The following GRIP1 variants were observed in gnomAD, a reference collection of about 807,000 sequenced individuals.
The protein encoded by GRIP1 is glutamate receptor-interacting protein 1.
GRIP1 carries 45 observed loss-of-function variants against 129.9 expected under a neutral mutation model. The ratio of observed to expected loss-of-function variants is 0.35; its 90% CI spans 0.27 to 0.44. The LOEUF is 0.44. Among genes scored for constraint, GRIP1 ranks in the 20% least tolerant of loss-of-function variants. The pLI is 1.00. For synonymous variants in GRIP1, 530 were observed against 520.8 expected (o/e 1.02, Z -0.24); for missense variants, 1,196 against 1,396.8 (o/e 0.86, Z 2.29).
chr12:66,518,065 C>T lies in GRIP1; in HGVS notation c.503-89G>A, dbSNP rs1041945845. 13 of 816,908 alleles carry T rather than the reference C, an allele frequency of 1.6e-5. No individual in the cohort carries two copies. In the South Asian group the frequency reaches 1.7e-4, roughly 11 times the overall value. 50.6% of individuals were successfully genotyped at this position (816,908 alleles called of 1,614,324 possible). On this transcript the variant is annotated intron_variant, in intron 5 of 24. Transcript: ENST00000359742. The stretch of plus-strand genomic sequence containing the variant: ...TACAAGATATCAGCTGAGAAATGTC[C>T]TACTTGATGTACGGAGGAAAATATG...
intron 1 of GRIP1, among the ~76,000 whole-genome samples, chr12:66,637,574 G>T (rs1565930572): frequency 2.0e-5 from 3 of 150,794 alleles, no homozygotes; most frequent in African/African-American, 7.3e-5. Flanking sequence ...ATTTTTGTAT[G>T]TTTTTTTTTA....
At chr12:66,691,583 C>G (rs759882458) in intron 1 of GRIP1, among the ~76,000 whole-genome samples, 1 of 152,152 alleles carries the variant, frequency 6.6e-6, no homozygotes, top group Non-Finnish European at 1.5e-5. Flanking sequence ...CGACAATGCT[C>G]CCACCATGCC....
intron 13 of GRIP1, among the ~76,000 whole-genome samples, chr12:66,444,358 C>A (rs574119915): frequency 6.6e-6 from 1 of 151,230 alleles, no homozygotes; most frequent in Non-Finnish European, 1.5e-5. Flanking sequence ...CGGTGGCGGG[C>A]GCCTGTAGTC....
chr12:66,422,448 G>A (rs753493601), intron 14 of GRIP1, among the ~76,000 whole-genome samples: 4 of 152,096 alleles, frequency 2.6e-5, no homozygotes, highest in Non-Finnish European at 5.9e-5. Context: ...ATTGTTCTGG[G>A]CATAGGGCAC....
chr12:66,892,732 C>A (rs909083328), intron 1 of GRIP1, among the ~76,000 whole-genome samples: 2 of 152,114 alleles, frequency 1.3e-5, no homozygotes, highest in African/African-American at 4.8e-5. Flanking sequence ...GAGGCCAAGG[C>A]AGGAGGACTG....
intron 1 of GRIP1, among the ~76,000 whole-genome samples, chr12:66,925,192 A>G (rs1473559406): frequency 6.6e-6 from 1 of 152,134 alleles, no homozygotes; most frequent in Non-Finnish European, 1.5e-5. Flanking sequence ...AATTTTTAAA[A>G]TCACCCTCCC....
intron 1 of GRIP1, among the ~76,000 whole-genome samples, chr12:67,020,538 G>T (rs1430762977): frequency 9.9e-5 from 15 of 152,050 alleles, no homozygotes; most frequent in Non-Finnish European, 2.2e-4. Flanking sequence ...CTCCTGAGCA[G>T]CTGGGACTAA....
rs138792155 is a variant in GRIP1 at position 66,970,519 on chromosome 12, G to A, written c.58+98531C>T. ...GTTTGCTATAAATGTGGTTGTCAGA[G>A]GTTTCAAAGTCCTCTAGTGTCTTTT... On this transcript the variant is annotated intron_variant, in intron 1 of 1. Transcript: ENST00000643019. 1.9e-4 allele frequency among the ~76,000 whole-genome samples: 29 copies of A among 148,860 alleles called. No individual in the cohort carries two copies. The East Asian group carries it at 5.4e-3, about 28-fold the overall frequency.
intron 1 of GRIP1, among the ~76,000 whole-genome samples, chr12:66,860,136 T>C (rs910032128): frequency 6.6e-6 from 1 of 152,118 alleles, no homozygotes; most frequent in Non-Finnish European, 1.5e-5. Flanking sequence ...CTTTCCTTTG[T>C]TATCTATAGC....
At chr12:66,537,037 T>A (rs10878444) in intron 4 of GRIP1, among the ~76,000 whole-genome samples, 105,713 of 151,864 alleles carry the variant, frequency 0.7, 37,721 homozygotes, top group African/African-American at 0.86. Flanking sequence ...CTTTGGAGTC[T>A]GGCAGCCTGG....
chr12:66,656,259 C>G (rs969967488), intron 1 of GRIP1, among the ~76,000 whole-genome samples: 3 of 151,858 alleles, frequency 2.0e-5, no homozygotes, highest in Admixed American at 2.0e-4. Flanking sequence ...CAGCCACAGG[C>G]AAAATTTGAA....
chr12:66,371,159 T>TC (rs574684502), intron 23 of GRIP1, among the ~76,000 whole-genome samples: 1 of 28,570 alleles, frequency 3.5e-5, no homozygotes, highest in Admixed American at 4.4e-4. Flanking sequence ...CCATAAATAA[T>TC]TTTTTTTTTT....
At chr12:66,458,628 G>A (rs181216497) in intron 9 of GRIP1, among the ~76,000 whole-genome samples, 117 of 152,198 alleles carry the variant, frequency 7.7e-4, no homozygotes, top group African/African-American at 2.5e-3. Context: ...CAGGTGATCC[G>A]CCTGCCTCGG....
At chr12:67,050,386 G>T (rs970884665) in intron 1 of GRIP1, among the ~76,000 whole-genome samples, 1 of 151,926 alleles carries the variant, frequency 6.6e-6, no homozygotes, top group Non-Finnish European at 1.5e-5. Context: ...TTTATAAAAG[G>T]TTCATTTTAC....
chr12:66,446,755 T>G (rs911611033), intron 11 of GRIP1, among the ~76,000 whole-genome samples: 1 of 152,182 alleles, frequency 6.6e-6, no homozygotes, highest in African/African-American at 2.4e-5. Context: ...GGCTTTATGC[T>G]TCTTCAACTC....
chr12:67,019,686 T>C (rs2042837713), intron 1 of GRIP1, among the ~76,000 whole-genome samples: 5 of 152,040 alleles, frequency 3.3e-5, no homozygotes, highest in Admixed American at 3.3e-4. Flanking sequence ...AGAAACAACA[T>C]TAGCAATTTT....
intron 2 of GRIP1, among the ~76,000 whole-genome samples, chr12:66,561,734 T>A (rs894778715): frequency 1.2e-4 from 18 of 152,036 alleles, no homozygotes; most frequent in Admixed American, 2.6e-4. Context: ...CTTAAAAAAA[T>A]ATATATATTT....
At chr12:66,830,175 G>A (rs1330417771) in intron 1 of GRIP1, among the ~76,000 whole-genome samples, 2 of 152,122 alleles carry the variant, frequency 1.3e-5, no homozygotes, top group Non-Finnish European at 2.9e-5. Context: ...CAACTTATCA[G>A]GTGGAGACTA....
intron 1 of GRIP1, among the ~76,000 whole-genome samples, chr12:66,965,555 G>C (rs1408700236): frequency 2.0e-5 from 2 of 100,186 alleles, no homozygotes. Flanking sequence ...AACATTGTGT[G>C]TGTGTGTGTG....
Sources: gnomAD v4.1 joint callset for allele counts (sites outside exome capture counted in the v4.1 genomes callset) on GRCh38, gnomAD v4.1.1 for gene constraint, MANE v1.5 for transcripts, NCBI Gene and HGNC (gene_info 2026-07-23, HGNC 2026-07-21) for gene names.